TASP1: variants seen among roughly 807,000 people sequenced by gnomAD.
TASP1 encodes the protein taspase 1.
In TASP1, 16 loss-of-function variants were observed where a neutral mutation model predicts 56.6. The observed-to-expected ratio is 0.28, with a 90% CI of 0.19 to 0.43. TASP1 has a LOEUF of 0.43. TASP1 is among the 20% of genes least tolerant of loss of function. The probability of loss-of-function intolerance (pLI) is 1.00; values close to 1 mark genes in which losing one functional copy is unlikely to be tolerated. For synonymous variants in TASP1, 179 were observed against 184.2 expected (o/e 0.97, Z 0.23); for missense variants, 393 against 511.6 (o/e 0.77, Z 2.24).
intron 7 of TASP1, among the ~76,000 whole-genome samples, chr20:13,564,352 T>C (rs1292194236): frequency 6.6e-6 from 1 of 152,092 alleles, no homozygotes; most frequent in Non-Finnish European, 1.5e-5. Context: ...TCGAAAAGTA[T>C]AAAATGCTTA....
At chr20:13,324,998 G>C in the TASP1 span, among the ~76,000 whole-genome samples, 1 of 152,244 alleles carries the variant, frequency 6.6e-6, no homozygotes, top group African/African-American at 2.4e-5. Context: ...TTCTTATCCT[G>C]TTAGTGCAGC....
chr20:13,566,237 G>A (rs1180394741), intron 7 of TASP1, among the ~76,000 whole-genome samples: 1 of 152,134 alleles, frequency 6.6e-6, no homozygotes, highest in Non-Finnish European at 1.5e-5. Flanking sequence ...GGGTTCTATA[G>A]TTGATGGTAC....
At chr20:13,556,645 G>T (rs1046542718) in intron 8 of TASP1, among the ~76,000 whole-genome samples, 2 of 152,152 alleles carry the variant, frequency 1.3e-5, no homozygotes, top group African/African-American at 4.8e-5. Flanking sequence ...CTTGCTCACT[G>T]ATTTGGCACA....
intron 10 of TASP1, 83 bp from the exon 11 acceptor site, chr20:13,483,420 G>T: frequency 2.3e-6 from 2 of 856,832 alleles, no homozygotes; most frequent in Non-Finnish European, 1.7e-6. Context: ...ACACCCTTAT[G>T]CATCATTTAA....
chr20:13,453,245 C>T (rs959600577), intron 11 of TASP1, among the ~76,000 whole-genome samples: 2 of 151,970 alleles, frequency 1.3e-5, no homozygotes, highest in Non-Finnish European at 2.9e-5. Context: ...TCACTGAAAT[C>T]GGAACAGCAG....
chr20:13,280,709 A>C, the TASP1 span, among the ~76,000 whole-genome samples: 2 of 152,158 alleles, frequency 1.3e-5, no homozygotes, highest in Non-Finnish European at 2.9e-5. Flanking sequence ...CCTGGAGGTG[A>C]CACACATCAG....
At chr20:13,366,867 T>TACACACAC in the TASP1 span, among the ~76,000 whole-genome samples, 489 of 150,616 alleles carry the variant, frequency 3.2e-3, 1 homozygote, top group African/African-American at 8.1e-3. Flanking sequence ...CTGATTTGAC[T>TACACACAC]ACACACACAC....
At chr20:13,193,452 A>T in the TASP1 span, among the ~76,000 whole-genome samples, 1 of 152,222 alleles carries the variant, frequency 6.6e-6, no homozygotes, top group African/African-American at 2.4e-5. Flanking sequence ...TAAGTCACTG[A>T]CCTGAGTCAA....
intron 8 of TASP1, among the ~76,000 whole-genome samples, chr20:13,557,555 T>G (rs2046200863): frequency 6.6e-6 from 1 of 151,624 alleles, no homozygotes; most frequent in South Asian, 2.1e-4. Context: ...TATGCAAATT[T>G]TATTACGATG....
the TASP1 span, among the ~76,000 whole-genome samples, chr20:13,171,889 G>A: frequency 0.023 from 3,478 of 152,134 alleles, 63 homozygotes; most frequent in Non-Finnish European, 0.031. Flanking sequence ...AGGTCAACCT[G>A]ATTGTATAAA....
intron 11 of TASP1, among the ~76,000 whole-genome samples, chr20:13,465,331 T>C (rs182900558): frequency 6.6e-6 from 1 of 150,972 alleles, no homozygotes; most frequent in East Asian, 2.0e-4. Context: ...AAATAAGAAA[T>C]AGTGACAAAC....
At chr20:13,436,397 C>G (rs1244922872) in intron 11 of TASP1, among the ~76,000 whole-genome samples, 1 of 151,590 alleles carries the variant, frequency 6.6e-6, no homozygotes, top group African/African-American at 2.4e-5. Context: ...CAACATGCCA[C>G]AGAGACCGTG....
At chr20:13,350,246 A>G in the TASP1 span, among the ~76,000 whole-genome samples, 2 of 152,222 alleles carry the variant, frequency 1.3e-5, no homozygotes, top group African/African-American at 4.8e-5. Flanking sequence ...AGATCTAAAT[A>G]AACGGAGAGA....
chr20:13,165,001 G>C, the TASP1 span: 1 of 643,686 alleles, frequency 1.6e-6, no homozygotes, highest in Non-Finnish European at 2.6e-6. Context: ...TTGAACTGAG[G>C]GAGACGTTGT....
chr20:13,548,574 G>A (rs900192708), intron 8 of TASP1, among the ~76,000 whole-genome samples: 4 of 152,250 alleles, frequency 2.6e-5, no homozygotes, highest in Middle Eastern at 3.4e-3. Context: ...GAGAGAACTG[G>A]CTGCCTGGTG....
the TASP1 span, among the ~76,000 whole-genome samples, chr20:13,380,621 G>C: frequency 6.6e-6 from 1 of 152,164 alleles, no homozygotes; most frequent in Admixed American, 6.5e-5. Flanking sequence ...GGGATCCACT[G>C]TTCTCTTCAG....
chr20:13,214,552 C>CAG, the TASP1 span, among the ~76,000 whole-genome samples: 1 of 103,038 alleles, frequency 9.7e-6, no homozygotes, highest in African/African-American at 3.9e-5. Context: ...CACACACACA[C>CAG]ACACACACAC....
the TASP1 span, among the ~76,000 whole-genome samples, chr20:13,133,367 G>A: frequency 6.6e-6 from 1 of 151,664 alleles, no homozygotes; most frequent in Non-Finnish European, 1.5e-5. Flanking sequence ...GCTGCATAAT[G>A]ACCCTGTAGT....
At chr20:13,589,249 G>A (rs1368419395) in intron 4 of TASP1, among the ~76,000 whole-genome samples, 3 of 151,932 alleles carry the variant, frequency 2.0e-5, no homozygotes, top group African/African-American at 7.3e-5. Context: ...AGTAGAGACA[G>A]GGTTTTCACC....
Sources: allele counts gnomAD v4.1 joint callset (sites outside exome capture counted in the v4.1 genomes callset), GRCh38; gene constraint gnomAD v4.1.1; transcripts MANE v1.5; gene names NCBI Gene and HGNC (gene_info 2026-07-23, HGNC 2026-07-21).